Variants in FMNL2 observed in about 807,000 individuals in gnomAD.
FMNL2 encodes the protein formin-like protein 2.
In FMNL2, 51 loss-of-function variants were observed where a neutral mutation model predicts 130.2. The ratio of observed to expected loss-of-function variants is 0.39; its 90% confidence interval spans 0.31 to 0.49. The LOEUF (loss-of-function observed/expected upper bound fraction) is 0.49. FMNL2 is among the 20% of genes least tolerant of loss of function. FMNL2 has a pLI of 0.85. For synonymous variants in FMNL2, 465 were observed against 467.1 expected (o/e 1.00, Z 0.06); for missense variants, 977 against 1,316.2 (o/e 0.74, Z 3.99).
chr2:152,377,727 G>T (rs1579518190), intron 1 of FMNL2, among the ~76,000 whole-genome samples: 2 of 152,212 alleles, frequency 1.3e-5, no homozygotes, highest in African/African-American at 4.8e-5. Context: ...GAATCTGTCT[G>T]TGGCTAGAAC....
chr2:152,573,707 A>G (rs115938528), intron 6 of FMNL2, among the ~76,000 whole-genome samples: 1,921 of 152,330 alleles, frequency 0.013, 33 homozygotes, highest in African/African-American at 0.043. Context: ...ATTTTTATAT[A>G]AACAAATAAT....
intron 1 of FMNL2, among the ~76,000 whole-genome samples, chr2:152,509,615 A>G (rs16831246): frequency 0.13 from 19,306 of 151,836 alleles, 1,999 homozygotes; most frequent in African/African-American, 0.25. Context: ...AACATGGTAT[A>G]TAGAAGACTC....
chr2:152,606,992 CG>C (rs1403260789), intron 9 of FMNL2, among the ~76,000 whole-genome samples: 1 of 125,666 alleles, frequency 8.0e-6, no homozygotes, highest in African/African-American at 2.9e-5. Context: ...AAGCTATGGT[CG>C]TTTTTTTTTT....
intron 10 of FMNL2, 82 bp from the exon 11 acceptor site, chr2:152,611,413 T>A: frequency 1.5e-6 from 1 of 676,078 alleles, no homozygotes; most frequent in East Asian, 2.8e-5. Flanking sequence ...GAGCCTTTTT[T>A]ATGAAATTGA....
intron 21 of FMNL2, 77 bp downstream of exon 21, chr2:152,632,214 A>G: frequency 6.5e-7 from 1 of 1,538,776 alleles, no homozygotes; most frequent in South Asian, 1.3e-5. Context: ...CCCTGCTTAA[A>G]CACTTTTCAG....
chr2:152,508,145 G>C (rs1692278438), intron 1 of FMNL2, among the ~76,000 whole-genome samples: 1 of 152,072 alleles, frequency 6.6e-6, no homozygotes, highest in Admixed American at 6.6e-5. Flanking sequence ...GTATAGAAGA[G>C]AGAGACAATG....
intron 1 of FMNL2, among the ~76,000 whole-genome samples, chr2:152,363,152 G>A (rs937298873): frequency 2.6e-5 from 4 of 152,144 alleles, no homozygotes; most frequent in African/African-American, 7.2e-5. Flanking sequence ...AAAAACTGTC[G>A]AATTGTGTGC....
chr2:152,599,205 C>A (rs1001255878), intron 9 of FMNL2, among the ~76,000 whole-genome samples: 3 of 152,162 alleles, frequency 2.0e-5, no homozygotes, highest in African/African-American at 7.2e-5. Context: ...CATCACTTCA[C>A]CGTCTCAAGT....
At chr2:152,642,619 G>A (rs1683192714) in intron 25 of FMNL2, among the ~76,000 whole-genome samples, 1 of 152,196 alleles carries the variant, frequency 6.6e-6, no homozygotes, top group Non-Finnish European at 1.5e-5. Flanking sequence ...AGCAAGACCA[G>A]GAGCAGAGCT....
intron 1 of FMNL2, among the ~76,000 whole-genome samples, chr2:152,463,970 TCA>T (rs1361198526): frequency 6.6e-6 from 1 of 152,238 alleles, no homozygotes. Flanking sequence ...TCTCGCTCTA[TCA>T]CCCAAGCTGG....
intron 1 of FMNL2, among the ~76,000 whole-genome samples, chr2:152,502,955 G>A (rs920522506): frequency 1.3e-5 from 2 of 152,138 alleles, no homozygotes; most frequent in African/African-American, 2.4e-5. Context: ...TGTTCCCTGG[G>A]CAGTGTTGAG....
At chr2:152,637,346 C>T (rs1186111861) in intron 22 of FMNL2, among the ~76,000 whole-genome samples, 2 of 152,162 alleles carry the variant, frequency 1.3e-5, no homozygotes, top group Non-Finnish European at 2.9e-5. Context: ...GGAGGTCCTG[C>T]AGATGAATTC....
intron 3 of FMNL2, among the ~76,000 whole-genome samples, chr2:152,544,637 G>A (rs1344833637): frequency 6.6e-6 from 1 of 152,150 alleles, no homozygotes; most frequent in Non-Finnish European, 1.5e-5. Context: ...TGGCAGAGAT[G>A]CTGATGTTTA....
intron 1 of FMNL2, among the ~76,000 whole-genome samples, chr2:152,460,750 G>C (rs1689191558): frequency 6.6e-6 from 1 of 152,160 alleles, no homozygotes; most frequent in Non-Finnish European, 1.5e-5. Context: ...GCACGTGTGA[G>C]GGATCTAGGT....
intron 1 of FMNL2, among the ~76,000 whole-genome samples, chr2:152,520,695 A>C (rs991218063): frequency 6.6e-6 from 1 of 152,218 alleles, no homozygotes; most frequent in Non-Finnish European, 1.5e-5. Flanking sequence ...AAGGCATACC[A>C]ATCTAGATGT....
intron 4 of FMNL2, among the ~76,000 whole-genome samples, chr2:152,556,889 C>T (rs929923655): frequency 5.9e-5 from 9 of 151,866 alleles, no homozygotes; most frequent in Admixed American, 1.3e-4. Context: ...CCCCTCCCCC[C>T]GCCGTGATTA....
chr2:152,529,828 C>G (rs1693592931), intron 2 of FMNL2, among the ~76,000 whole-genome samples: 1 of 152,158 alleles, frequency 6.6e-6, no homozygotes, highest in African/African-American at 2.4e-5. Context: ...CCTTTTAAAA[C>G]CATCCTTTTT....
intron 9 of FMNL2, among the ~76,000 whole-genome samples, chr2:152,585,980 G>A (rs549633006): frequency 6.6e-6 from 1 of 151,490 alleles, no homozygotes; most frequent in Non-Finnish European, 1.5e-5. Context: ...CTGAGGCCCT[G>A]TAGACTCTAC....
Position 152,335,612 on chromosome 2 carries a change from C to T in FMNL2, c.9C>T (p.Asn3=), listed in dbSNP as rs776497886. The T allele has an allele frequency of 4.4e-6, 7 of 1,588,166 alleles. No individual in the cohort carries two copies. The highest frequency in any genetic ancestry group is 1.7e-5 in the Admixed American group (1 of 58,156). Residue 3 remains asparagine, a synonymous_variant, in exon 1 of 26, where the codon AAC becomes AAT. Transcript: ENST00000288670. ...CCCGGCGCGCCGCCGACATGGGCAA[C>T]GCAGGGAGCATGGATTCGCAGCAGA... The part of the protein sequence containing the change: MG[N]AGSMDSQQTD...
Sources: gnomAD v4.1 joint callset for allele counts (sites outside exome capture counted in the v4.1 genomes callset) on GRCh38, gnomAD v4.1.1 for gene constraint, MANE v1.5 for transcripts, NCBI Gene and HGNC (gene_info 2026-07-23, HGNC 2026-07-21) for gene names.